The following PARD3 variants were observed in gnomAD, a reference collection of about 807,000 sequenced individuals.
PARD3 encodes the protein partitioning defective 3 homolog.
In PARD3, 75 loss-of-function variants were observed where a neutral mutation model predicts 155.4. That is an observed-to-expected ratio of 0.48 (90% CI 0.40 to 0.58). The LOEUF is 0.58. Among genes scored for constraint, PARD3 ranks in the 20% least tolerant of loss-of-function variants. The pLI, the probability that PARD3 is intolerant of heterozygous loss-of-function variation, is 0.00. For synonymous variants in PARD3, 576 were observed against 610.5 expected (o/e 0.94, Z 0.83); for missense variants, 1,642 against 1,721.7 (o/e 0.95, Z 0.82).
At chr10:34,763,937 C>T (rs1003594169) in intron 1 of PARD3, among the ~76,000 whole-genome samples, 2 of 152,162 alleles carry the variant, frequency 1.3e-5, no homozygotes, top group African/African-American at 4.8e-5. Context: ...CTAATAAGAT[C>T]CAAATATGTC....
chr10:34,502,161 G>A (rs962153423), intron 3 of PARD3, among the ~76,000 whole-genome samples: 1 of 152,206 alleles, frequency 6.6e-6, no homozygotes, highest in Non-Finnish European at 1.5e-5. Flanking sequence ...TTCTGTTGAA[G>A]CAGCCTGAAT....
chr10:34,237,489 T>C (rs1953307915), intron 22 of PARD3, among the ~76,000 whole-genome samples: 1 of 152,174 alleles, frequency 6.6e-6, no homozygotes, highest in South Asian at 2.1e-4. Context: ...TAGTTTTTTG[T>C]AGAAATAGGA....
chr10:34,219,916 A>G (rs1407261996), intron 22 of PARD3, among the ~76,000 whole-genome samples: 1 of 152,246 alleles, frequency 6.6e-6, no homozygotes, highest in East Asian at 1.9e-4. Context: ...TCAAATGGCC[A>G]GGATGGAATG....
chr10:34,672,367 C>A (rs185283137), intron 2 of PARD3, among the ~76,000 whole-genome samples: 116 of 152,332 alleles, frequency 7.6e-4, no homozygotes, highest in African/African-American at 2.6e-3. Context: ...CCCACTCATT[C>A]TAACCAAGCA....
At position 34,470,280 on chromosome 10, in the gene PARD3, A is replaced by G; in HGVS notation, c.404-17T>C. On this transcript the variant is annotated splice_polypyrimidine_tract_variant and intron_variant, in intron 3 of 24. Coordinates refer to ENST00000374788, the MANE Select transcript of PARD3 (RefSeq NM_001184785.2). ...GAGGCATATCTGTAAACACAAAAGCACTATGCTGAAAAATAAGATACTAAT... is the reference window on the plus strand; with the variant it reads ...GAGGCATATCTGTAAACACAAAAGCGCTATGCTGAAAAATAAGATACTAAT... The G allele has an allele frequency of 2.6e-6, 4 of 1,539,262 alleles. No homozygotes were observed. The highest frequency in any genetic ancestry group is 3.5e-6 in the Non-Finnish European group (4 of 1,139,070).
intron 1 of PARD3, among the ~76,000 whole-genome samples, chr10:34,712,314 T>C (rs527589108): frequency 1.3e-5 from 2 of 152,328 alleles, no homozygotes; most frequent in East Asian, 3.9e-4. Flanking sequence ...AGCTACAGGA[T>C]ATTCTGCTCC....
intron 3 of PARD3, among the ~76,000 whole-genome samples, chr10:34,495,911 T>A (rs1446378731): frequency 1.3e-5 from 2 of 150,712 alleles, no homozygotes; most frequent in African/African-American, 4.9e-5. Flanking sequence ...CTGAAACCAA[T>A]AAAGGAAGAG....
At chr10:34,670,760 A>T (rs2093596455) in intron 2 of PARD3, among the ~76,000 whole-genome samples, 1 of 152,208 alleles carries the variant, frequency 6.6e-6, no homozygotes, top group Non-Finnish European at 1.5e-5. Context: ...CCATCCGTGA[A>T]CAGTTGCAAT....
chr10:34,166,717 C>T (rs1949545919), intron 22 of PARD3, among the ~76,000 whole-genome samples: 1 of 152,062 alleles, frequency 6.6e-6, no homozygotes, highest in Admixed American at 6.6e-5. Context: ...GATGAGTGTC[C>T]ACTCACAAAA....
At chr10:34,456,463 ATTT>A (rs2077346980) in intron 4 of PARD3, among the ~76,000 whole-genome samples, 2 of 151,762 alleles carry the variant, frequency 1.3e-5, no homozygotes, top group Non-Finnish European at 1.5e-5. Context: ...TGCCTGGCTA[ATTT>A]TTTGTATTTT....
chr10:34,222,009 G>A (rs1952323046), intron 22 of PARD3, among the ~76,000 whole-genome samples: 1 of 152,106 alleles, frequency 6.6e-6, no homozygotes, highest in African/African-American at 2.4e-5. Context: ...CCTTAAAAAT[G>A]GTTAAGATGG....
chr10:34,414,801 A>G (rs79456513), intron 5 of PARD3, among the ~76,000 whole-genome samples: 7,292 of 151,702 alleles, frequency 0.048, 578 homozygotes, highest in African/African-American at 0.17. Flanking sequence ...TATCACATGT[A>G]TAAGTATTAT....
At chr10:34,153,223 A>G (rs7896420) in intron 22 of PARD3, among the ~76,000 whole-genome samples, 29,911 of 151,986 alleles carry the variant, frequency 0.2, 3,627 homozygotes, top group Middle Eastern at 0.39. Flanking sequence ...CAATCCTCCC[A>G]CCTCAGCCTC....
At chr10:34,660,068 GT>G (rs1284681478) in intron 2 of PARD3, among the ~76,000 whole-genome samples, 3 of 152,152 alleles carry the variant, frequency 2.0e-5, no homozygotes, top group Non-Finnish European at 4.4e-5. Context: ...AAATGCATAT[GT>G]TTTCCCCAAA....
At chr10:34,590,633 G>C (rs996984294) in intron 2 of PARD3, among the ~76,000 whole-genome samples, 7 of 152,114 alleles carry the variant, frequency 4.6e-5, no homozygotes, top group African/African-American at 1.7e-4. Flanking sequence ...AAGGTGCCTT[G>C]CCACTCTCTT....
At chr10:34,674,097 T>C (rs1435444750) in intron 2 of PARD3, among the ~76,000 whole-genome samples, 1 of 152,210 alleles carries the variant, frequency 6.6e-6, no homozygotes, top group Non-Finnish European at 1.5e-5. Flanking sequence ...TATGTTTTAA[T>C]ATTTTTTGAT....
chr10:34,478,366 C>T (rs1589716575), intron 3 of PARD3, among the ~76,000 whole-genome samples: 3 of 152,258 alleles, frequency 2.0e-5, no homozygotes, highest in South Asian at 4.1e-4. Flanking sequence ...GATCACATTG[C>T]TATCCAGACA....
intron 2 of PARD3, among the ~76,000 whole-genome samples, chr10:34,619,057 C>CTT (rs1378531714): frequency 6.1e-5 from 8 of 131,916 alleles, no homozygotes; most frequent in African/African-American, 1.4e-4. Flanking sequence ...TTTTTTTTTT[C>CTT]TTTTTTTTTT....
intron 1 of PARD3, among the ~76,000 whole-genome samples, chr10:34,738,228 A>C (rs1284475541): frequency 6.6e-6 from 1 of 152,238 alleles, no homozygotes; most frequent in Non-Finnish European, 1.5e-5. Context: ...TATGACTTTA[A>C]GGAAAACACT....
Sources: gnomAD v4.1 joint callset for allele counts (sites outside exome capture counted in the v4.1 genomes callset) on GRCh38, gnomAD v4.1.1 for gene constraint, MANE v1.5 for transcripts, NCBI Gene and HGNC (gene_info 2026-07-23, HGNC 2026-07-21) for gene names.